FIBCD1: variants seen among roughly 807,000 people sequenced by gnomAD.
The protein encoded by FIBCD1 is fibrinogen C domain-containing protein 1.
Under a neutral mutation model 45.1 loss-of-function variants are expected in FIBCD1, and 47 were observed. The observed-to-expected ratio is 1.04, with a 90% CI of 0.82 to 1.33. The LOEUF is 1.33. FIBCD1 is among the 40% of genes most tolerant of loss of function. The pLI is 0.00. For synonymous variants in FIBCD1, 313 were observed against 308.1 expected (o/e 1.02, Z -0.17); for missense variants, 653 against 682.2 (o/e 0.96, Z 0.48).
intron 4 of FIBCD1, among the ~76,000 whole-genome samples, chr9:130,923,155 C>T (rs994735691): frequency 1.3e-5 from 2 of 152,208 alleles, no homozygotes; most frequent in South Asian, 2.1e-4. Context: ...CAAAGCAGGG[C>T]GTCTGCCCCA....
chr9:130,938,262 G>A (rs1486278728), intron 1 of FIBCD1: 2 of 381,246 alleles, frequency 5.2e-6, no homozygotes, highest in Non-Finnish European at 9.5e-6. Context: ...CTCTGCACCC[G>A]CGTGCACCAG....
intron 4 of FIBCD1, among the ~76,000 whole-genome samples, chr9:130,918,419 G>A (rs1173600086): frequency 1.3e-5 from 2 of 152,204 alleles, no homozygotes; most frequent in African/African-American, 2.4e-5. Context: ...GAGGGTCTCC[G>A]ATGCCTTAGA....
Position 130,929,589 on chromosome 9 carries a change from C to G in FIBCD1, c.530G>C (p.Ser177Thr). The G allele has an allele frequency of 6.6e-7, 1 of 1,509,864 alleles. No individual in the cohort carries two copies. The highest frequency in any genetic ancestry group is 8.8e-7 in the Non-Finnish European group (1 of 1,131,842). 93.5% of individuals were successfully genotyped at this position (1,509,864 alleles called of 1,614,324 possible). A position where few individuals can be genotyped will look rare whatever the true frequency, so the allele number is the denominator to read the frequency against. The part of the protein sequence containing the change: ...TLGQGLSALQ[S>T]EQGRLIQLLS... ...TACCTGGATGAGGCGGCCCTGCTCACTCTGCAGGGCGCTGAGGCCCTGGCC... is the reference window on the plus strand; with the variant it reads ...TACCTGGATGAGGCGGCCCTGCTCAGTCTGCAGGGCGCTGAGGCCCTGGCC... The change falls in exon 2 of 7, where the codon AGT (serine) becomes ACT (threonine). Residue 177 changes from serine (S) to threonine (T), a missense_variant. Ser to Thr is a moderately conservative substitution (Grantham distance 58, BLOSUM62 1). Transcript: ENST00000372338.
At chr9:130,912,003 G>A (rs565623490) in intron 4 of FIBCD1, 115 bp from the exon 5 acceptor site, 24 of 897,254 alleles carry the variant, frequency 2.7e-5, no homozygotes, top group Admixed American at 5.3e-5. Context: ...CTGCCCTCTC[G>A]GGAGGGCAGG....
chr9:130,917,565 C>T (rs1402641432), intron 4 of FIBCD1, among the ~76,000 whole-genome samples: 1 of 152,208 alleles, frequency 6.6e-6, no homozygotes, highest in East Asian at 1.9e-4. Context: ...TGCCTCTGGG[C>T]CGCTGCAGCC....
chr9:130,911,127 TG>T (rs1365275434), intron 5 of FIBCD1, among the ~76,000 whole-genome samples: 2 of 152,172 alleles, frequency 1.3e-5, no homozygotes, highest in African/African-American at 4.8e-5. Flanking sequence ...TTTCACTCTT[TG>T]GGTCCACGCT....
intron 2 of FIBCD1, 87 bp from the exon 3 acceptor site, chr9:130,924,483 C>T: frequency 3.0e-6 from 4 of 1,312,436 alleles, no homozygotes; most frequent in Non-Finnish European, 4.2e-6. Context: ...CCAGAGTGGG[C>T]CCTCTCCTGA....
intron 2 of FIBCD1, among the ~76,000 whole-genome samples, chr9:130,928,504 G>A (rs1054323919): frequency 3.9e-5 from 6 of 152,256 alleles, no homozygotes; most frequent in Admixed American, 3.3e-4. Context: ...CCTCTACCCC[G>A]GGAGGGGGAA....
chr9:130,938,340 C>T (rs1302845870), intron 1 of FIBCD1, 196 bp downstream of exon 1: 3 of 460,042 alleles, frequency 6.5e-6, no homozygotes, highest in African/African-American at 2.1e-5. Context: ...GCAGGGGTGC[C>T]GCCCCCACCG....
At chr9:130,912,028 C>T (rs1473320696) in intron 4 of FIBCD1, 140 bp from the exon 5 acceptor site, 7 of 687,834 alleles carry the variant, frequency 1.0e-5, no homozygotes, top group Non-Finnish European at 1.7e-5. Context: ...TGGTTGCCCA[C>T]TTCCCGCAAC....
At chr9:130,907,035 G>A (rs566042606) in intron 5 of FIBCD1, among the ~76,000 whole-genome samples, 1 of 152,304 alleles carries the variant, frequency 6.6e-6, no homozygotes, top group South Asian at 2.1e-4. Flanking sequence ...TTGAACCCAG[G>A]CAGAAGGGCC....
At chr9:130,910,806 T>C (rs1199769685) in intron 5 of FIBCD1, among the ~76,000 whole-genome samples, 1 of 151,788 alleles carries the variant, frequency 6.6e-6, no homozygotes, top group East Asian at 1.9e-4. Flanking sequence ...AACACACCAA[T>C]CAGCACCCTG....
At chr9:130,908,151 G>A (rs933405707) in intron 5 of FIBCD1, among the ~76,000 whole-genome samples, 2 of 152,116 alleles carry the variant, frequency 1.3e-5, no homozygotes, top group African/African-American at 4.8e-5. Context: ...TCATGTGTTG[G>A]ACAAATGATC....
intron 5 of FIBCD1, 101 bp from the exon 6 acceptor site, chr9:130,905,514 A>T: frequency 8.0e-7 from 1 of 1,246,054 alleles, no homozygotes; most frequent in Non-Finnish European, 1.1e-6. Context: ...AGTTGGGGAC[A>T]GAAAGGGACA....
In FIBCD1 at chr9:130,932,411, C is replaced by T. The variant is rs369640050; in HGVS notation, c.73-2365G>A. 2.5e-4 allele frequency among the ~76,000 whole-genome samples: 38 copies of T among 152,276 alleles called. No individual in the cohort carries two copies. In the East Asian group the frequency reaches 4.1e-3, roughly 16 times the overall value. ...GCGGCTGCCAGGACTCAGTGCTCCA[C>T]GCCTGCCCAGTTCTCTTGGGGGCCG... On this transcript the variant is annotated intron_variant, in intron 1 of 6. Transcript: ENST00000372338.
chr9:130,931,345 T>C (rs574641963), intron 1 of FIBCD1, among the ~76,000 whole-genome samples: 3 of 152,092 alleles, frequency 2.0e-5, no homozygotes, highest in African/African-American at 7.2e-5. Context: ...CCATCTCTAC[T>C]AAAAATACAA....
chr9:130,911,945 C>T, intron 4 of FIBCD1, 57 bp from the exon 5 acceptor site: 2 of 1,450,280 alleles, frequency 1.4e-6, no homozygotes, highest in East Asian at 2.5e-5. Flanking sequence ...GACTCGCAGC[C>T]CACCTGGGCC....
At chr9:130,936,973 GT>G (rs1205688094) in intron 1 of FIBCD1, among the ~76,000 whole-genome samples, 1 of 4,328 alleles carries the variant, frequency 2.3e-4, no homozygotes. Flanking sequence ...GAGTGAAGGG[GT>G]GTGTGTGTGT....
At chr9:130,911,554 C>T (rs10454366) in intron 5 of FIBCD1, among the ~76,000 whole-genome samples, 1 of 152,124 alleles carries the variant, frequency 6.6e-6, no homozygotes, top group African/African-American at 2.4e-5. Context: ...GCATGTGGGA[C>T]CCTCAGCCTT....
Sources: gnomAD v4.1 joint callset for allele counts (sites outside exome capture counted in the v4.1 genomes callset) on GRCh38, gnomAD v4.1.1 for gene constraint, MANE v1.5 for transcripts, NCBI Gene and HGNC (gene_info 2026-07-23, HGNC 2026-07-21) for gene names.